Variants in TARS1 observed in about 807,000 individuals in gnomAD.
TARS1 encodes threonyl-tRNA synthetase 1, also known as threonine--tRNA ligase 1, cytoplasmic.
In TARS1, 57 loss-of-function variants were observed where a neutral mutation model predicts 97.7. That is an observed-to-expected ratio of 0.58 (90% confidence interval 0.47 to 0.73). The LOEUF is 0.73. Among genes scored for constraint, TARS1 ranks in the 30% least tolerant of loss-of-function variants. The probability of loss-of-function intolerance (pLI) is 0.00; values close to 1 mark genes in which losing one functional copy is unlikely to be tolerated. For missense variants in TARS1, 806 were observed against 888.3 expected, an observed-to-expected ratio of 0.91 and a Z score of 1.18; for synonymous variants, 312 against 293.7, an observed-to-expected ratio of 1.06 and a Z score of -0.64.
In TARS1 at chr5:33,461,866, A is replaced by T. The variant is rs17455135; in HGVS notation, c.1630-40A>T. ...TCCAACTATTGAGCTCCACTTTAGT[A>T]TCACTGGCATTTTATAATAACCCAG... On this transcript the variant is annotated intron_variant, in intron 14 of 18. Coordinates refer to ENST00000265112, the MANE Select transcript of TARS1 (RefSeq NM_152295.5). 3 of 1,599,770 alleles carry T rather than the reference A, an allele frequency of 1.9e-6. No individual in the cohort carries two copies. The Admixed American group carries it at 5.0e-5, about 27-fold the overall frequency.
chr5:33,441,463 A>G (rs3849682), intron 1 of TARS1: 140,008 of 287,080 alleles, frequency 0.49, 36,529 homozygotes, highest in East Asian at 0.74. Context: ...CTTAGGCTTG[A>G]GGCTTCCAAA....
At chr5:33,441,574 A>G (rs1423150505) in intron 1 of TARS1, 2 of 163,992 alleles carry the variant, frequency 1.2e-5, no homozygotes, top group East Asian at 1.7e-4. Flanking sequence ...TTTTAAGGAA[A>G]GGAAAACCGA....
Position 33,455,033 on chromosome 5 carries a change from A to G in TARS1, c.542A>G (p.Asn181Ser). ...TTATGCTACGGTCCGCCAATAGAAA[A>G]TGGATTCTATTATGACATGTACCTC... ...GCLCYGPPIE[N>S]GFYYDMYLEE... The change falls in exon 5 of 19, where the codon AAT (asparagine) becomes AGT (serine). Residue 181 changes from asparagine to serine, a missense_variant. Asn to Ser is a conservative substitution (Grantham distance 46). This residue lies in a region of TARS1 where 356 missense variants were observed against 357.8 expected (regional missense o/e 0.99). Transcript: ENST00000265112. 1 of 1,613,832 alleles carries G rather than the reference A, an allele frequency of 6.2e-7. No individual in the cohort carries two copies. Among genetic ancestry groups the G allele is most frequent in the Non-Finnish European group, 8.5e-7 (1 of 1,179,860 alleles).
chr5:33,463,111 A>G (rs1054403397), intron 16 of TARS1, among the ~76,000 whole-genome samples: 2 of 152,342 alleles, frequency 1.3e-5, no homozygotes, highest in East Asian at 1.9e-4. Context: ...TTTAGTGCCT[A>G]CTTTAGCCTT....
chr5:33,457,739 G>A (rs1028939093), intron 9 of TARS1, among the ~76,000 whole-genome samples: 3 of 152,228 alleles, frequency 2.0e-5, no homozygotes, highest in African/African-American at 7.2e-5. Context: ...CATTTAAAAT[G>A]TGGAAACAGA....
At chr5:33,442,061 A>C (rs1741127468) in intron 1 of TARS1, among the ~76,000 whole-genome samples, 1 of 152,208 alleles carries the variant, frequency 6.6e-6, no homozygotes, top group Non-Finnish European at 1.5e-5. Context: ...TTGGGATAGA[A>C]GGTTAGGCCA....
intron 18 of TARS1, among the ~76,000 whole-genome samples, chr5:33,467,347 T>C (rs73076306): frequency 0.012 from 1,802 of 152,330 alleles, 39 homozygotes; most frequent in African/African-American, 0.041. Flanking sequence ...TATTTGGTTG[T>C]TACGTTGTCT....
Position 33,465,248 on chromosome 5 carries a change from C to T in TARS1, c.1908+1423C>T, listed in dbSNP as rs906369484. Among the ~76,000 whole-genome samples, 6 of 152,254 alleles carry T rather than the reference C, an allele frequency of 3.9e-5. No individual in the cohort carries two copies. The South Asian group carries it at 1.2e-3, about 32-fold the overall frequency. On this transcript the variant is annotated intron_variant, in intron 17 of 18. Coordinates refer to ENST00000265112, the MANE Select transcript of TARS1 (RefSeq NM_152295.5). Reference sequence around the variant, plus strand: ...ACTTTGTCTTATTTGTATGTGAAAACTCACACAGTAGGAAGAAGTTCTGTA... The same window carrying T: ...ACTTTGTCTTATTTGTATGTGAAAATTCACACAGTAGGAAGAAGTTCTGTA...
At chr5:33,461,785 G>A in intron 14 of TARS1, 41 bp downstream of exon 14, 1 of 1,603,156 alleles carries the variant, frequency 6.2e-7, no homozygotes, top group Non-Finnish European at 8.5e-7. Flanking sequence ...ATTTTCACTT[G>A]TGGATGAAGA....
Position 33,461,171 on chromosome 5 carries a change from TA to T in TARS1, c.1431del (p.Gly478ValfsTer19), listed in dbSNP as rs1561077625. ...FCAMEQIEDE[I>X]KGCLDFLRTV... ...TTTAATTTGAAGATTGAAGATGAAATAAAAGGTTGTTTGGATTTTCTACGTA... is the reference window on the plus strand; with the variant it reads ...TTTAATTTGAAGATTGAAGATGAAATAAAGGTTGTTTGGATTTTCTACGTA... On this transcript the variant is annotated frameshift_variant, in exon 13 of 19. Transcript: ENST00000265112. LOFTEE classifies it high-confidence loss of function. The T allele has an allele frequency of 1.2e-6, 2 of 1,606,330 alleles. No individual in the cohort carries two copies. Among genetic ancestry groups the T allele is most frequent in the Non-Finnish European group, 1.7e-6 (2 of 1,176,568 alleles).
At chr5:33,441,246 G>T in intron 1 of TARS1, 103 bp downstream of exon 1, 4 of 1,423,676 alleles carry the variant, frequency 2.8e-6, no homozygotes, top group Non-Finnish European at 3.9e-6. Context: ...AAGCGGCCGG[G>T]ACCGCGTGGG....
chr5:33,440,857 A>T (rs1741047020), upstream of TARS1: 4 of 562,710 alleles, frequency 7.1e-6, no homozygotes, highest in South Asian at 4.6e-5. Flanking sequence ...GGGCTCTGTC[A>T]CCCGAAAAGA....
chr5:33,442,460 A>G (rs1038710206), intron 1 of TARS1, among the ~76,000 whole-genome samples: 3 of 151,474 alleles, frequency 2.0e-5, no homozygotes, highest in African/African-American at 7.3e-5. Flanking sequence ...TGTAATAATT[A>G]TACAATAGTT....
At chr5:33,441,720 T>C (rs1318698895) in intron 1 of TARS1, 1 of 152,804 alleles carries the variant, frequency 6.5e-6, no homozygotes, top group Non-Finnish European at 1.5e-5. Context: ...CAGGCTGATG[T>C]GTAAGAGACA....
At chr5:33,446,635 C>A (rs2111932519) in intron 2 of TARS1, 1 of 1,268,506 alleles carries the variant, frequency 7.9e-7, no homozygotes, top group Non-Finnish European at 1.0e-6. Flanking sequence ...TTCATCTCTG[C>A]AATCACAGAG....
chr5:33,453,551 T>G, intron 4 of TARS1, 139 bp downstream of exon 4: 1 of 1,159,234 alleles, frequency 8.6e-7, no homozygotes, highest in Non-Finnish European at 1.2e-6. Flanking sequence ...CATTTTGTCC[T>G]TCATTTAGGG....
intron 17 of TARS1, among the ~76,000 whole-genome samples, chr5:33,465,239 A>G (rs762538918): frequency 1.3e-5 from 2 of 152,322 alleles, no homozygotes; most frequent in Admixed American, 6.5e-5. Flanking sequence ...TCTTATTTGT[A>G]TGTGAAAACT....
intron 3 of TARS1, among the ~76,000 whole-genome samples, chr5:33,449,631 ATT>A (rs1317309827): frequency 1.3e-5 from 2 of 150,720 alleles, no homozygotes; most frequent in Non-Finnish European, 3.0e-5. Context: ...AATTTTTTGT[ATT>A]TTTAGTAGAG....
In TARS1 at chr5:33,456,031, T is replaced by G. The variant is rs766513834; in HGVS notation, c.723T>G (p.Asn241Lys). Residue 241 changes from asparagine (N) to lysine (K), a missense_variant, in exon 7 of 19, where the codon AAT becomes AAG. This residue lies in a region of TARS1 where 356 missense variants were observed against 357.8 expected (regional missense o/e 0.99). Coordinates refer to ENST00000265112, the MANE Select transcript of TARS1 (RefSeq NM_152295.5). ...ACAAGTTCAAATGCCGGATATTGAATGAAAAGGTGAATACTCCAACTACCA... is the reference window on the plus strand; with the variant it reads ...ACAAGTTCAAATGCCGGATATTGAAGGAAAAGGTGAATACTCCAACTACCA... ...KYNKFKCRILNEKVNTPTTTV... is the reference protein window; with the variant it reads ...KYNKFKCRILKEKVNTPTTTV... 1.2e-5 allele frequency: 19 copies of G among 1,613,814 alleles called. No individual in the cohort carries two copies. In the South Asian group the frequency reaches 1.9e-4, roughly 16 times the overall value.
Sources: allele counts gnomAD v4.1 joint callset (sites outside exome capture counted in the v4.1 genomes callset), GRCh38; gene constraint gnomAD v4.1.1; regional missense constraint gnomAD v4.1.1; transcripts MANE v1.5; gene names NCBI Gene and HGNC (gene_info 2026-07-23, HGNC 2026-07-21).